SEPSECS: variants seen among roughly 807,000 people sequenced by gnomAD.
SEPSECS encodes Sep (O-phosphoserine) tRNA:Sec (selenocysteine) tRNA synthase.
A neutral mutation model predicts 52.1 loss-of-function variants in SEPSECS; 42 were observed. The ratio of observed to expected loss-of-function variants is 0.81; its 90% CI spans 0.63 to 1.04. SEPSECS has a LOEUF of 1.04. Ranked by LOEUF, SEPSECS falls within the 50% of genes least tolerant of loss-of-function variation. The pLI is 0.00. For synonymous variants in SEPSECS, 216 were observed against 211.4 expected, an observed-to-expected ratio of 1.02 and a Z score of -0.19; for missense variants, 590 against 610.6, an observed-to-expected ratio of 0.97 and a Z score of 0.36.
chr4:25,124,259 C>T, intron 10 of SEPSECS, 34 bp from the exon 11 acceptor site: 2 of 1,591,408 alleles, frequency 1.3e-6, no homozygotes, highest in Admixed American at 3.4e-5. Flanking sequence ...TTTAATATGT[C>T]TGGTAATGGT....
chr4:25,156,794 G>T, intron 3 of SEPSECS, 62 bp downstream of exon 3: 3 of 715,656 alleles, frequency 4.2e-6, no homozygotes, highest in Admixed American at 1.8e-5. Flanking sequence ...TAAATGAAAT[G>T]AGTCAGTGGT....
Position 25,127,274 on chromosome 4 carries a change from G to A in SEPSECS, c.1110C>T (p.Pro370=), listed in dbSNP as rs775219892. 1.2e-6 allele frequency: 2 copies of A among 1,607,232 alleles called. No homozygotes were observed. The highest frequency in any genetic ancestry group is 1.7e-6 in the Non-Finnish European group (2 of 1,174,210). ...GAAAAAAGAAATTACCTAAAGATAT[G>A]GGATTGTGAGGTGTATGCAACAGTC... The part of the protein sequence containing the change: ...NERLLHTPHN[P]ISLAMTLKTL... The change falls in exon 9 of 11, where the codon CCC becomes CCT. Residue 370 remains proline, a synonymous_variant. Coordinates refer to ENST00000382103, the MANE Select transcript of SEPSECS (RefSeq NM_016955.4).
rs986385870 is a variant in SEPSECS, at chr4:25,121,123, T to C, written c.*2808A>G. ...ATATTCTATAACTTCATTCAACTAA[T>C]ACAAAAAGCTAAATAGAAAGATTTA... On this transcript the variant is annotated 3_prime_UTR_variant, in exon 11 of 11. Transcript: ENST00000382103. 2.0e-5 allele frequency: 3 copies of C among 152,108 alleles called. No homozygotes were observed. Among genetic ancestry groups the C allele is most frequent in the Non-Finnish European group, 4.4e-5 (3 of 67,962 alleles). The allele number at this position is 152,108 out of a possible 1,614,324, so 9.4% of individuals were successfully genotyped here.
In SEPSECS at chr4:25,124,242, T is replaced by C. The variant is rs1728266597; in HGVS notation, c.1212-17A>G. ...GGCACAACCCTGAAAGAAGAAAGAT[T>C]TACCAATTTAATATGTCTGGTAATG... is the stretch of plus-strand genomic sequence containing the variant. On this transcript the variant is annotated splice_polypyrimidine_tract_variant and intron_variant, in intron 10 of 10. Transcript: ENST00000382103. 4 of 1,610,724 alleles carry C rather than the reference T, an allele frequency of 2.5e-6. No individual in the cohort carries two copies. The East Asian group carries it at 6.7e-5, about 27-fold the overall frequency.
chr4:25,154,003 T>G lies in SEPSECS; in HGVS notation c.701+995A>C, dbSNP rs146277716. Among the ~76,000 whole-genome samples, 97 of 152,232 alleles carry G rather than the reference T, an allele frequency of 6.4e-4. 2 individuals are homozygous for G. In the East Asian group the frequency reaches 0.017, roughly 27 times the overall value. On this transcript the variant is annotated intron_variant, in intron 5 of 10. Transcript: ENST00000382103. ...ATATGCTGTTTTTCAAAATGTGATT[T>G]CTATCACATTAAAAATTTTATAGCT...
rs1306521770 is a variant in SEPSECS, at chr4:25,123,223, T to C, written c.*708A>G. 6.6e-6 allele frequency: 1 copy of C among 152,436 alleles called. No homozygotes were observed. The highest frequency in any genetic ancestry group is 1.5e-5 in the Non-Finnish European group (1 of 68,218). 9.4% of individuals were successfully genotyped at this position (152,436 alleles called of 1,614,324 possible). A position where few individuals can be genotyped will look rare whatever the true frequency, so the allele number is the denominator to read the frequency against. ...CTTTACTCAAGGAGTTTATCTACTT[T>C]AGAGGAGTATTTCTCAACCTCAGCA... is the stretch of plus-strand genomic sequence containing the variant. On this transcript the variant is annotated 3_prime_UTR_variant, in exon 11 of 11. Coordinates refer to ENST00000382103, the MANE Select transcript of SEPSECS (RefSeq NM_016955.4).
In SEPSECS at chr4:25,127,342, A is replaced by G; in HGVS notation, c.1042T>C (p.Leu348=). The change falls in exon 9 of 11, where the codon TTG becomes CTG. Residue 348 remains leucine (L), a synonymous_variant. Coordinates refer to ENST00000382103, the MANE Select transcript of SEPSECS (RefSeq NM_016955.4). ...LKERKEMFSY[L]SNQIKKLSEA... ...GACAACTTCTTTATTTGGTTGGACA[A>G]ATATGAAAACATTTCCTGCAACAAC... The G allele has an allele frequency of 6.2e-7, 1 of 1,612,272 alleles. No homozygotes were observed. The highest frequency in any genetic ancestry group is 8.5e-7 in the Non-Finnish European group (1 of 1,178,692).
chr4:25,156,278 T>G, intron 3 of SEPSECS, 83 bp from the exon 4 acceptor site: 2 of 1,275,082 alleles, frequency 1.6e-6, no homozygotes, highest in Non-Finnish European at 2.3e-6. Context: ...ATTTCATATA[T>G]AAAATAGTAA....
rs1333761633 is a variant in SEPSECS at position 25,123,924 on chromosome 4, T to C, written c.*7A>G. The stretch of plus-strand genomic sequence containing the variant: ...TTTCAAATGATCAAGAAGAAACCCT[T>C]CGCATGTCATGAAGAAGCATCCTGG... On this transcript the variant is annotated 3_prime_UTR_variant, in exon 11 of 11. Coordinates refer to ENST00000382103, the MANE Select transcript of SEPSECS (RefSeq NM_016955.4). 1.2e-6 allele frequency: 2 copies of C among 1,611,054 alleles called. No individual in the cohort carries two copies. The highest frequency in any genetic ancestry group is 2.2e-5 in the South Asian group (2 of 91,012).
At chr4:25,134,579 G>A (rs79689021) in intron 8 of SEPSECS, among the ~76,000 whole-genome samples, 1 of 151,930 alleles carries the variant, frequency 6.6e-6, no homozygotes, top group Non-Finnish European at 1.5e-5. Context: ...CATAATTAAG[G>A]ACCAAGTTTC....
At chr4:25,159,332 A>G (rs553499800) in intron 1 of SEPSECS, among the ~76,000 whole-genome samples, 6 of 152,308 alleles carry the variant, frequency 3.9e-5, no homozygotes, top group African/African-American at 1.4e-4. Flanking sequence ...AATGCATACA[A>G]TGAGGTTTAC....
At chr4:25,155,981 A>G in intron 4 of SEPSECS, 56 bp downstream of exon 4, 3 of 1,486,472 alleles carry the variant, frequency 2.0e-6, no homozygotes, top group South Asian at 1.2e-5. Context: ...TTTATATAAG[A>G]AATCTGAATT....
chr4:25,136,704 A>G (rs892772205), intron 8 of SEPSECS, among the ~76,000 whole-genome samples: 2 of 152,164 alleles, frequency 1.3e-5, no homozygotes, highest in African/African-American at 4.8e-5. Flanking sequence ...ATAGAATTAG[A>G]AAAAAACTAT....
intron 9 of SEPSECS, among the ~76,000 whole-genome samples, chr4:25,126,138 T>C (rs1261707408): frequency 6.6e-6 from 1 of 152,094 alleles, no homozygotes; most frequent in Admixed American, 6.6e-5. Context: ...TCAGTACATA[T>C]ATAAAACTAA....
intron 8 of SEPSECS, among the ~76,000 whole-genome samples, chr4:25,130,920 C>T (rs1278892361): frequency 6.6e-6 from 1 of 152,038 alleles, no homozygotes; most frequent in Non-Finnish European, 1.5e-5. Context: ...ATAAGCAACC[C>T]AAGCAAATGT....
rs1728099783 is a variant in SEPSECS at position 25,120,996 on chromosome 4, T to C, written c.*2935A>G. 1 of 152,144 alleles carries C rather than the reference T, an allele frequency of 6.6e-6. No homozygotes were observed. Among genetic ancestry groups the C allele is most frequent in the Non-Finnish European group, 1.5e-5 (1 of 67,990 alleles). 9.4% of individuals were successfully genotyped at this position (152,144 alleles called of 1,614,324 possible). A position where few individuals can be genotyped will look rare whatever the true frequency, so the allele number is the denominator to read the frequency against. ...GGTGGTTAAAGACACAGAACCACAG[T>C]GAAGTGCTGATCATAATATTAGAAA... On this transcript the variant is annotated 3_prime_UTR_variant, in exon 11 of 11. Transcript: ENST00000382103.
rs953540804 is a variant in SEPSECS at position 25,144,809 on chromosome 4, A to T, written c.991T>A (p.Ser331Thr). The T allele has an allele frequency of 6.2e-7, 1 of 1,613,150 alleles. No homozygotes were observed. Reference sequence around the variant, plus strand: ...TTTAGTAGCTTCTTATAGCCATTTGATCCAAGTGACAATAAAGTAATAAGG... The same window carrying T: ...TTTAGTAGCTTCTTATAGCCATTTGTTCCAAGTGACAATAAAGTAATAAGG... ...DVLITLLSLGSNGYKKLLKER... is the reference protein window; with the variant it reads ...DVLITLLSLGTNGYKKLLKER... The change falls in exon 8 of 11, where the codon TCA becomes ACA. Residue 331 changes from serine (S) to threonine (T), a missense_variant. Ser to Thr is a moderately conservative substitution (Grantham distance 58, BLOSUM62 1). Transcript: ENST00000382103.
rs753075744 is a variant in SEPSECS, at chr4:25,156,032, C to G, written c.547+5G>C. On this transcript the variant is annotated splice_donor_5th_base_variant and intron_variant, in intron 4 of 10. Coordinates refer to ENST00000382103, the MANE Select transcript of SEPSECS (RefSeq NM_016955.4). ...TTAAAACATTATGTATGACACTTCT[C>G]TTACCTGCAGTGATCATGGATTTAA... 1.9e-6 allele frequency: 3 copies of G among 1,611,822 alleles called. No homozygotes were observed. Among genetic ancestry groups the G allele is most frequent in the Non-Finnish European group, 2.5e-6 (3 of 1,178,024 alleles).
chr4:25,160,485 A>G (rs1713013631), upstream of SEPSECS: 1 of 687,556 alleles, frequency 1.5e-6, no homozygotes, highest in Non-Finnish European at 2.4e-6. Flanking sequence ...TTGGGACAAA[A>G]AACAAAACAA....
Sources: gnomAD v4.1 joint callset for allele counts (sites outside exome capture counted in the v4.1 genomes callset) on GRCh38, gnomAD v4.1.1 for gene constraint, MANE v1.5 for transcripts, NCBI Gene and HGNC (gene_info 2026-07-23, HGNC 2026-07-21) for gene names.